Variants in LRRIQ1 observed in about 807,000 individuals in gnomAD.
LRRIQ1 encodes leucine rich repeats and IQ motif containing 1.
In LRRIQ1, 210 loss-of-function variants were observed where a neutral mutation model predicts 211.9. That is an observed-to-expected ratio of 0.99 (90% CI 0.89 to 1.11). The LOEUF is 1.11. Among genes scored for constraint, LRRIQ1 ranks in the 50% most tolerant of loss-of-function variants. The pLI is 0.00. For missense variants in LRRIQ1, 2,136 were observed against 1,939.5 expected (o/e 1.10, Z -1.90); for synonymous variants, 699 against 650.1 (o/e 1.08, Z -1.14).
At chr12:85,161,909 G>T (rs1045368545) in intron 24 of LRRIQ1, among the ~76,000 whole-genome samples, 12 of 151,976 alleles carry the variant, frequency 7.9e-5, no homozygotes, top group African/African-American at 2.4e-4. Context: ...GCGTGGTGGT[G>T]GGCTCCTGTA....
chr12:85,189,877 T>C (rs970073691), intron 24 of LRRIQ1, among the ~76,000 whole-genome samples: 2 of 144,402 alleles, frequency 1.4e-5, no homozygotes, highest in Admixed American at 7.1e-5. Context: ...TTATATAAGA[T>C]TATATATTAT....
intron 16 of LRRIQ1, 120 bp downstream of exon 16, chr12:85,121,996 G>T: frequency 7.9e-6 from 6 of 757,034 alleles, no homozygotes; most frequent in South Asian, 9.2e-5. Flanking sequence ...TGTGTTTTGG[G>T]GATATTCTAC....
chr12:85,150,303 G>GC (rs1355965972), intron 19 of LRRIQ1, among the ~76,000 whole-genome samples: 3 of 151,548 alleles, frequency 2.0e-5, no homozygotes, highest in African/African-American at 7.3e-5. Context: ...TGATATACTG[G>GC]CCCTTGATCT....
At chr12:85,236,830 C>CATATATATATATATCTATATCTATATAT (rs1555228690) in intron 26 of LRRIQ1, among the ~76,000 whole-genome samples, 2 of 108,810 alleles carry the variant, frequency 1.8e-5, no homozygotes, top group South Asian at 2.9e-4. Context: ...TGTATGTGTG[C>CATATATATATATATCTATATCTATATAT]ATATATATAT....
intron 24 of LRRIQ1, among the ~76,000 whole-genome samples, chr12:85,190,730 A>G (rs1892470297): frequency 6.6e-6 from 1 of 151,896 alleles, no homozygotes; most frequent in Non-Finnish European, 1.5e-5. Flanking sequence ...GGAAATAATA[A>G]TGTGGGCCTC....
intron 24 of LRRIQ1, among the ~76,000 whole-genome samples, chr12:85,198,718 C>T (rs1387024657): frequency 1.3e-5 from 2 of 152,064 alleles, no homozygotes; most frequent in African/African-American, 4.8e-5. Flanking sequence ...CAGGCGCCTG[C>T]CTCCATGCTC....
chr12:85,051,800 T>C (rs1880354915), intron 6 of LRRIQ1, among the ~76,000 whole-genome samples: 1 of 152,186 alleles, frequency 6.6e-6, no homozygotes. Context: ...TGAACTGATT[T>C]ATGTGAATTA....
At chr12:85,193,661 T>C (rs569668470) in intron 24 of LRRIQ1, among the ~76,000 whole-genome samples, 17 of 151,256 alleles carry the variant, frequency 1.1e-4, no homozygotes, top group African/African-American at 4.1e-4. Context: ...TTACAAGAGC[T>C]CCTAAAGGAA....
intron 18 of LRRIQ1, among the ~76,000 whole-genome samples, chr12:85,129,643 A>G (rs905627947): frequency 2.0e-5 from 3 of 152,194 alleles, no homozygotes; most frequent in Non-Finnish European, 4.4e-5. Flanking sequence ...GCAAAGGAAC[A>G]TCAGATTCTA....
intron 8 of LRRIQ1, among the ~76,000 whole-genome samples, chr12:85,061,426 A>G (rs994280882): frequency 2.0e-5 from 3 of 151,716 alleles, no homozygotes; most frequent in African/African-American, 7.3e-5. Context: ...GCTTCAATTA[A>G]AGGAGGAAAT....
At chr12:85,196,390 C>T (rs985533380) in intron 24 of LRRIQ1, among the ~76,000 whole-genome samples, 3 of 152,100 alleles carry the variant, frequency 2.0e-5, no homozygotes, top group Non-Finnish European at 4.4e-5. Flanking sequence ...GCCAAAAGAA[C>T]AAAGCTGGAG....
intron 11 of LRRIQ1, among the ~76,000 whole-genome samples, chr12:85,083,680 T>G (rs1390955073): frequency 6.6e-6 from 1 of 152,156 alleles, no homozygotes; most frequent in African/African-American, 2.4e-5. Flanking sequence ...CCTCGTGATC[T>G]GCCTGCCTTG....
intron 25 of LRRIQ1, 60 bp downstream of exon 25, chr12:85,229,709 C>A: frequency 6.5e-7 from 1 of 1,535,616 alleles, no homozygotes; most frequent in Admixed American, 2.0e-5. Context: ...AAAATTGAAA[C>A]CTAGGTTAAT....
Position 85,098,925 on chromosome 12 carries a change from T to C in LRRIQ1, c.3140T>C (p.Ile1047Thr). 1 of 1,575,184 alleles carries C rather than the reference T, an allele frequency of 6.3e-7. No individual in the cohort carries two copies. The highest frequency in any genetic ancestry group is 8.6e-7 in the Non-Finnish European group (1 of 1,157,704). ...GAATTGCACTTGGATGATAACAGCA[T>C]TTCAACTGTGGAAGCATTTTCTTCA... The part of the protein sequence containing the change: ...LRELHLDDNS[I>T]STVEAFSSYW... The change falls in exon 13 of 27, where the codon ATT (isoleucine) becomes ACT (threonine). Residue 1047 changes from isoleucine to threonine, a missense_variant. Ile to Thr is a moderately conservative substitution (Grantham distance 89, BLOSUM62 -1). Transcript: ENST00000393217.
chr12:85,056,780 A>G lies in LRRIQ1; in HGVS notation c.1987A>G (p.Thr663Ala). ...CATTGTGATTTTTAACACAACTGAT[A>G]CCATGATAAATATAGAAGGCAAAAG... ...SGIVIFNTTD[T>A]MINIEGKRND... Residue 663 changes from threonine (T) to alanine (A), a missense_variant, in exon 8 of 27, where the codon ACC becomes GCC. Transcript: ENST00000393217. The G allele has an allele frequency of 6.2e-7, 1 of 1,609,170 alleles. No individual in the cohort carries two copies. The highest frequency in any genetic ancestry group is 2.2e-5 in the East Asian group (1 of 44,838).
chr12:85,153,422 AT>A, intron 21 of LRRIQ1, among the ~76,000 whole-genome samples: 1 of 151,542 alleles, frequency 6.6e-6, no homozygotes, highest in Non-Finnish European at 1.5e-5. Context: ...GGTACAGATA[AT>A]GATTAGACTA....
At chr12:85,076,036 A>G (rs947141794) in intron 11 of LRRIQ1, among the ~76,000 whole-genome samples, 3 of 152,120 alleles carry the variant, frequency 2.0e-5, no homozygotes, top group Non-Finnish European at 2.9e-5. Context: ...TTTTAAATAA[A>G]TATACATTTC....
chr12:85,217,496 ATATATATATATATGTG>A (rs1894162310), intron 24 of LRRIQ1, among the ~76,000 whole-genome samples: 1 of 78,334 alleles, frequency 1.3e-5, no homozygotes, highest in African/African-American at 9.1e-5. Flanking sequence ...ATATATGTAT[ATATATATATATATGTG>A]TGTGTGTGTG....
chr12:85,106,611 T>C lies in LRRIQ1; in HGVS notation c.3373T>C (p.Trp1125Arg), dbSNP rs538964680. The change falls in exon 15 of 27, where the codon TGG (tryptophan) becomes CGG (arginine). Residue 1125 changes from tryptophan (W) to arginine (R), a missense_variant. Trp to Arg is a moderately radical substitution (Grantham distance 101, BLOSUM62 -3). Transcript: ENST00000393217. Reference protein sequence around the residue: ...TGNPLLQETNWRDSLLKVLPA... With the variant: ...TGNPLLQETNRRDSLLKVLPA... Reference sequence around the variant, plus strand: ...AAACCCACTTCTTCAAGAAACAAACTGGAGGTAAAGAGGCATTGTTGCACC... The same window carrying C: ...AAACCCACTTCTTCAAGAAACAAACCGGAGGTAAAGAGGCATTGTTGCACC... The C allele has an allele frequency of 1.2e-6, 2 of 1,607,224 alleles. No individual in the cohort carries two copies. The highest frequency in any genetic ancestry group is 8.5e-7 in the Non-Finnish European group (1 of 1,174,584).
Sources: gnomAD v4.1 joint callset for allele counts (sites outside exome capture counted in the v4.1 genomes callset) on GRCh38, gnomAD v4.1.1 for gene constraint, MANE v1.5 for transcripts, NCBI Gene and HGNC (gene_info 2026-07-23, HGNC 2026-07-21) for gene names.